Variants in DYNC1LI2 observed in about 807,000 individuals in gnomAD.
The protein encoded by DYNC1LI2 is cytoplasmic dynein 1 light intermediate chain 2.
A neutral mutation model predicts 57.8 loss-of-function variants in DYNC1LI2; 19 were observed. The ratio of observed to expected loss-of-function variants is 0.33; its 90% confidence interval spans 0.23 to 0.48. The LOEUF (loss-of-function observed/expected upper bound fraction) is 0.48. DYNC1LI2 is among the 20% of genes least tolerant of loss of function. The probability of loss-of-function intolerance (pLI) is 0.99; values close to 1 mark genes in which losing one functional copy is unlikely to be tolerated. For missense variants in DYNC1LI2, 470 were observed against 604.2 expected, an observed-to-expected ratio of 0.78 and a Z score of 2.33; for synonymous variants, 256 against 233.4, an observed-to-expected ratio of 1.10 and a Z score of -0.88.
chr16:66,725,000 C>T (rs1005656168), intron 12 of DYNC1LI2, among the ~76,000 whole-genome samples: 3 of 150,828 alleles, frequency 2.0e-5, no homozygotes, highest in Non-Finnish European at 4.4e-5. Flanking sequence ...GGCGAAAAAC[C>T]GTCTCTACTA....
At chr16:66,738,066 AAC>A (rs1567453671) in intron 4 of DYNC1LI2, among the ~76,000 whole-genome samples, 1 of 152,200 alleles carries the variant, frequency 6.6e-6, no homozygotes, top group Non-Finnish European at 1.5e-5. Context: ...TCACCCACAG[AAC>A]ACGTTTCAAA....
chr16:66,748,621 A>AGT (rs557771479), intron 3 of DYNC1LI2, among the ~76,000 whole-genome samples: 28 of 152,218 alleles, frequency 1.8e-4, no homozygotes, highest in Admixed American at 1.7e-3. Context: ...CCCAGGCTTG[A>AGT]GTGTATAACA....
Position 66,730,387 on chromosome 16 carries a change from G to T in DYNC1LI2, c.930-164C>A, listed in dbSNP as rs186972025. 1.6e-4 allele frequency: 97 copies of T among 588,226 alleles called. No homozygotes were observed. In the East Asian group the frequency reaches 2.3e-3, roughly 14 times the overall value. The allele number at this position is 588,226 out of a possible 1,614,324, so 36.4% of individuals were successfully genotyped here. On this transcript the variant is annotated intron_variant, in intron 7 of 12. Coordinates refer to ENST00000258198, the MANE Select transcript of DYNC1LI2 (RefSeq NM_006141.3). ...GGCAGATGTGCCAAAATACACTGTG[G>T]GTATAATCCATCAGAACATCGCAGG...
rs186983174 is a variant in DYNC1LI2 at position 66,743,412 on chromosome 16, T to G, written c.299-744A>C. On this transcript the variant is annotated intron_variant, in intron 3 of 12. Transcript: ENST00000258198. ...CCTGTCTCTATTAAAAATACAAAAT[T>G]TAGCTGGGCATGGTGGCAGGCGCCT... Among the ~76,000 whole-genome samples the G allele has an allele frequency of 1.2e-3, 176 of 151,364 alleles. 2 individuals carry two copies. The highest frequency in any genetic ancestry group is 9.8e-3 in the Admixed American group (148 of 15,168).
intron 3 of DYNC1LI2, 90 bp from the exon 4 acceptor site, chr16:66,742,758 G>T (rs577441514): frequency 1.4e-6 from 2 of 1,380,874 alleles, no homozygotes; most frequent in African/African-American, 1.5e-5. Context: ...GATCTTGAAG[G>T]TGACAGCTAT....
At chr16:66,738,019 T>G (rs78520630) in intron 4 of DYNC1LI2, among the ~76,000 whole-genome samples, 1 of 152,300 alleles carries the variant, frequency 6.6e-6, no homozygotes, top group East Asian at 1.9e-4. Context: ...ACAACAGGAC[T>G]GAAGAGGACC....
At chr16:66,735,147 C>T (rs1305630003) in intron 5 of DYNC1LI2, among the ~76,000 whole-genome samples, 2 of 148,490 alleles carry the variant, frequency 1.3e-5, no homozygotes, top group Admixed American at 6.7e-5. Context: ...TGTGTCATCC[C>T]GGATGGAGTG....
rs1567445387 is a variant in DYNC1LI2, at chr16:66,722,238, G to A, written c.*1484C>T. ...CTACATTAGTGGTCAGTCAAATCTG[G>A]TATGTAAAAGTAATGACATTAGGGA... is the stretch of plus-strand genomic sequence containing the variant. On this transcript the variant is annotated 3_prime_UTR_variant, in exon 13 of 13. Transcript: ENST00000258198. The A allele has an allele frequency of 6.6e-6, 1 of 152,562 alleles. No individual in the cohort carries two copies. The highest frequency in any genetic ancestry group is 1.5e-5 in the Non-Finnish European group (1 of 68,030). The allele number at this position is 152,562 out of a possible 1,614,324, so 9.5% of individuals were successfully genotyped here. A position where few individuals can be genotyped will look rare whatever the true frequency, so the allele number is the denominator to read the frequency against.
At chr16:66,736,711 G>A (rs2017741714) in intron 4 of DYNC1LI2, among the ~76,000 whole-genome samples, 1 of 152,082 alleles carries the variant, frequency 6.6e-6, no homozygotes, top group African/African-American at 2.4e-5. Context: ...TGCCAGGCTG[G>A]TCTCAAACTC....
chr16:66,751,546 C>T lies in DYNC1LI2; in HGVS notation c.46G>A (p.Gly16Arg), dbSNP rs753506815. Residue 16 changes from glycine (G) to arginine (R), a missense_variant, in exon 1 of 13, where the codon GGG becomes AGG. By Grantham distance (125) the Gly-to-Arg change is moderately radical. Transcript: ENST00000258198. This position sits in a 1 kb window ranked among gnomAD's most constrained non-coding sequence, Gnocchi z 5.2. ...VEKKLLLGPN[G>R]PAVAAAGDLT... ...TCGCCGGCGGCCGCCACCGCGGGCC[C>T]GTTGGGACCTAGCAGCAGCTTCTTC... is the stretch of plus-strand genomic sequence containing the variant. 6.3e-7 allele frequency: 1 copy of T among 1,587,254 alleles called. No homozygotes were observed. Among genetic ancestry groups the T allele is most frequent in the Non-Finnish European group, 8.6e-7 (1 of 1,169,178 alleles).
At chr16:66,728,379 G>A (rs1442682779) in intron 9 of DYNC1LI2, 137 bp from the exon 10 acceptor site, 19 of 964,196 alleles carry the variant, frequency 2.0e-5, no homozygotes, top group South Asian at 3.7e-5. Flanking sequence ...TACCACAGAT[G>A]CCAAAAAATT....
rs193134950 is a variant in DYNC1LI2, at chr16:66,722,458, A to G, written c.*1264T>C. On this transcript the variant is annotated 3_prime_UTR_variant, in exon 13 of 13. Coordinates refer to ENST00000258198, the MANE Select transcript of DYNC1LI2 (RefSeq NM_006141.3). ...CAGAAATCATTTCCAGAATGGTGGT[A>G]TAACATGACAATGTGCATGAATTTG... The G allele has an allele frequency of 1.4e-4, 22 of 152,794 alleles. No individual in the cohort carries two copies. The highest frequency in any genetic ancestry group is 4.6e-4 in the Admixed American group (7 of 15,298). The allele number at this position is 152,794 out of a possible 1,614,324, so 9.5% of individuals were successfully genotyped here. A position where few individuals can be genotyped will look rare whatever the true frequency, so the allele number is the denominator to read the frequency against.
chr16:66,726,081 T>C, intron 11 of DYNC1LI2, 137 bp from the exon 12 acceptor site: 1 of 824,078 alleles, frequency 1.2e-6, no homozygotes, highest in Non-Finnish European at 1.9e-6. Context: ...TTCGCTACGA[T>C]GCCTTTACAC....
chr16:66,734,189 C>G, intron 6 of DYNC1LI2, 29 bp downstream of exon 6: 1 of 1,609,876 alleles, frequency 6.2e-7, no homozygotes. Flanking sequence ...AGCCTGTGAC[C>G]CAGGCCCCAC....
intron 12 of DYNC1LI2, 146 bp downstream of exon 12, chr16:66,725,682 G>A (rs574279118): frequency 1.1e-5 from 8 of 742,134 alleles, no homozygotes; most frequent in East Asian, 2.7e-5. Flanking sequence ...CTGAAAGCAC[G>A]GCACACTGCT....
chr16:66,730,780 C>T (rs750035683), intron 7 of DYNC1LI2: 13 of 152,540 alleles, frequency 8.5e-5, no homozygotes, highest in Non-Finnish European at 1.8e-4. Flanking sequence ...CAGAGAAGCA[C>T]AGAGTCCTTG....
intron 3 of DYNC1LI2, among the ~76,000 whole-genome samples, chr16:66,747,113 T>A (rs2017950023): frequency 6.8e-6 from 1 of 146,900 alleles, no homozygotes; most frequent in South Asian, 2.1e-4. Context: ...AGAGTCTCAC[T>A]CTGTTGCCCA....
chr16:66,723,976 G>A lies in DYNC1LI2; in HGVS notation c.1379-154C>T, dbSNP rs1165912581. Among the ~76,000 whole-genome samples the A allele has an allele frequency of 1.1e-4, 17 of 152,270 alleles. No individual in the cohort carries two copies. In the East Asian group the frequency reaches 3.3e-3, roughly 29 times the overall value. On this transcript the variant is annotated intron_variant, in intron 12 of 12. Transcript: ENST00000258198. ...GAAAGCCCTTTTCTACTGCAGTGGTGAGGAGACCCCAACTCGGCACATCCT... is the reference window on the plus strand; with the variant it reads ...GAAAGCCCTTTTCTACTGCAGTGGTAAGGAGACCCCAACTCGGCACATCCT...
At position 66,723,035 on chromosome 16, in the gene DYNC1LI2, T is replaced by C. The variant is rs146426107; in HGVS notation, c.*687A>G. 6.6e-5 allele frequency: 21 copies of C among 319,382 alleles called. No individual in the cohort carries two copies. The East Asian group carries it at 1.6e-3, about 25-fold the overall frequency. 19.8% of individuals were successfully genotyped at this position (319,382 alleles called of 1,614,324 possible). A position where few individuals can be genotyped will look rare whatever the true frequency, so the allele number is the denominator to read the frequency against. On this transcript the variant is annotated 3_prime_UTR_variant, in exon 13 of 13. Transcript: ENST00000258198. ...CATGGGTCCTGGGCAGCTGCCATCG[T>C]TCCCACCCCTGGGTCAGCTCCGCCT...
Sources: gnomAD v4.1 joint callset for allele counts (sites outside exome capture counted in the v4.1 genomes callset) on GRCh38, gnomAD v4.1.1 for gene constraint, Gnocchi (gnomAD v3.1) non-coding constraint, MANE v1.5 for transcripts, NCBI Gene and HGNC (gene_info 2026-07-23, HGNC 2026-07-21) for gene names.